Variants in PARD3B observed in about 807,000 individuals in gnomAD.
PARD3B encodes the protein par-3 family cell polarity regulator beta.
PARD3B carries 103 observed loss-of-function variants against 130.2 expected under a neutral mutation model. That is an observed-to-expected ratio of 0.79 (90% confidence interval 0.67 to 0.93). The LOEUF (loss-of-function observed/expected upper bound fraction) is 0.93. Among genes scored for constraint, PARD3B ranks in the 40% least tolerant of loss-of-function variants. The pLI is 0.00. For synonymous variants in PARD3B, 583 were observed against 553.2 expected, an observed-to-expected ratio of 1.05 and a Z score of -0.76; for missense variants, 1,609 against 1,499.2, an observed-to-expected ratio of 1.07 and a Z score of -1.21.
chr2:205,576,492 C>G (rs1401360490), intron 22 of PARD3B, among the ~76,000 whole-genome samples: 1 of 152,102 alleles, frequency 6.6e-6, no homozygotes, highest in Non-Finnish European at 1.5e-5. Flanking sequence ...AGGTCTGTGT[C>G]TAGATTCATT....
chr2:205,117,049 TA>T (rs1416046502), intron 6 of PARD3B, among the ~76,000 whole-genome samples: 1 of 152,062 alleles, frequency 6.6e-6, no homozygotes, highest in Non-Finnish European at 1.5e-5. Flanking sequence ...GAATGCTTGT[TA>T]AAAAAATATC....
intron 2 of PARD3B, among the ~76,000 whole-genome samples, chr2:204,872,931 A>T (rs1193006870): frequency 6.6e-6 from 1 of 152,174 alleles, no homozygotes; most frequent in African/African-American, 2.4e-5. Flanking sequence ...AGAGGAGTAA[A>T]CAGTATTTTA....
In PARD3B at chr2:205,021,723, C is replaced by T. The variant is rs1201054279; in HGVS notation, c.395-25858C>T. On this transcript the variant is annotated intron_variant, in intron 3 of 22. Transcript: ENST00000406610. The surrounding 1 kb of genome is among the most constrained non-coding windows in gnomAD (Gnocchi z 4.5). ...TTGGATAGAAATTTAAAATAAACTTCCATTTTAAATATGAGGAAACCAAGA... is the reference window on the plus strand; with the variant it reads ...TTGGATAGAAATTTAAAATAAACTTTCATTTTAAATATGAGGAAACCAAGA... Among the ~76,000 whole-genome samples the T allele has an allele frequency of 6.6e-6, 1 of 150,554 alleles. No individual in the cohort carries two copies. The highest frequency in any genetic ancestry group is 1.5e-5 in the Non-Finnish European group (1 of 67,772).
chr2:205,408,840 T>C (rs1268839104), intron 19 of PARD3B, among the ~76,000 whole-genome samples: 1 of 152,148 alleles, frequency 6.6e-6, no homozygotes, highest in African/African-American at 2.4e-5. Context: ...CTAGGTCCTG[T>C]GGTTTGGGTA....
intron 4 of PARD3B, among the ~76,000 whole-genome samples, chr2:205,084,567 A>G (rs1266949645): frequency 6.6e-6 from 1 of 152,016 alleles, no homozygotes; most frequent in African/African-American, 2.4e-5. Context: ...TAAACATTTA[A>G]TTTTTAAAAT....
At position 205,265,924 on chromosome 2, in the gene PARD3B, TG is replaced by T. The variant is rs1249093357; in HGVS notation, c.2185+20103del. ...CATCTGTGATATAAAACATAAATCT[TG>T]AGAGAAGGGCTTTTGATTTTTGTTA... On this transcript the variant is annotated intron_variant, in intron 16 of 22. Coordinates refer to ENST00000406610, the MANE Select transcript of PARD3B (RefSeq NM_001302769.2). The surrounding 1 kb of genome is among the most constrained non-coding windows in gnomAD (Gnocchi z 4.3). Among the ~76,000 whole-genome samples the T allele has an allele frequency of 3.3e-5, 5 of 152,036 alleles. No individual in the cohort carries two copies. The highest frequency in any genetic ancestry group is 1.2e-4 in the African/African-American group (5 of 41,426).
intron 1 of PARD3B, among the ~76,000 whole-genome samples, chr2:204,556,086 T>A (rs563157962): frequency 6.6e-6 from 1 of 152,312 alleles, no homozygotes; most frequent in Non-Finnish European, 1.5e-5. Context: ...GAGCACCAGG[T>A]CATAGTAGGG....
At chr2:205,369,634 C>A (rs754841202) in intron 18 of PARD3B, among the ~76,000 whole-genome samples, 3 of 152,170 alleles carry the variant, frequency 2.0e-5, no homozygotes, top group Non-Finnish European at 2.9e-5. Flanking sequence ...TTTCAAGACC[C>A]AGGTCAAGTC....
intron 15 of PARD3B, among the ~76,000 whole-genome samples, chr2:205,196,508 C>A (rs962168872): frequency 3.9e-5 from 6 of 151,952 alleles, no homozygotes; most frequent in Admixed American, 3.9e-4. Flanking sequence ...TGTGATATTT[C>A]TCATCATAAA....
intron 3 of PARD3B, among the ~76,000 whole-genome samples, chr2:204,992,938 G>A (rs1304494561): frequency 1.6e-5 from 2 of 128,180 alleles, no homozygotes; most frequent in Non-Finnish European, 3.3e-5. Flanking sequence ...TGTATCCTGA[G>A]ACTTTGCTGA....
chr2:205,018,923 T>G (rs1487703387), intron 3 of PARD3B, among the ~76,000 whole-genome samples: 1 of 152,134 alleles, frequency 6.6e-6, no homozygotes, highest in Non-Finnish European at 1.5e-5. Context: ...TGTAATAAAG[T>G]TGATTTATAC....
intron 15 of PARD3B, among the ~76,000 whole-genome samples, chr2:205,204,199 A>G (rs867884648): frequency 1.3e-5 from 2 of 152,196 alleles, no homozygotes; most frequent in African/African-American, 2.4e-5. Flanking sequence ...TTGTCTAATG[A>G]TCAGTGATGA....
chr2:205,368,843 A>G (rs1400078671), intron 18 of PARD3B, among the ~76,000 whole-genome samples: 1 of 130,996 alleles, frequency 7.6e-6, no homozygotes, highest in Non-Finnish European at 1.7e-5. Flanking sequence ...TTCTCAATTC[A>G]GGGGAGCTTG....
intron 2 of PARD3B, among the ~76,000 whole-genome samples, chr2:204,711,997 G>A (rs541315142): frequency 2.0e-5 from 3 of 152,150 alleles, no homozygotes. Flanking sequence ...CTAGTGTTTT[G>A]AAAATGTAGA....
chr2:205,281,754 GA>G lies in PARD3B; in HGVS notation c.2186-18773del, dbSNP rs759662262. On this transcript the variant is annotated intron_variant, in intron 16 of 22. Transcript: ENST00000406610. The surrounding 1 kb of genome is among the most constrained non-coding windows in gnomAD (Gnocchi z 4.2). Reference sequence around the variant, plus strand: ...TTTCATCTTCAAATAGCCCAGTGATGAAACTCCTGGGCAGGTTGTCTACATT... The same window carrying G: ...TTTCATCTTCAAATAGCCCAGTGATGAACTCCTGGGCAGGTTGTCTACATT... Among the ~76,000 whole-genome samples the G allele has an allele frequency of 2.3e-4, 35 of 152,272 alleles. No homozygotes were observed. Among genetic ancestry groups the G allele is most frequent in the African/African-American group, 8.4e-4 (35 of 41,564 alleles).
rs187022321 is a variant in PARD3B, at chr2:205,187,761, G to T, written c.2024+1898G>T. On this transcript the variant is annotated intron_variant, in intron 14 of 22. Coordinates refer to ENST00000406610, the MANE Select transcript of PARD3B (RefSeq NM_001302769.2). This position sits in a 1 kb window ranked among gnomAD's most constrained non-coding sequence, Gnocchi z 4.9. ...AATCTTCATTACATGGTATGAACTA[G>T]TAACTTCCATCTTCTTTTCACGTCT... is the stretch of plus-strand genomic sequence containing the variant. 6.6e-6 allele frequency among the ~76,000 whole-genome samples: 1 copy of T among 152,160 alleles called. No individual in the cohort carries two copies. The highest frequency in any genetic ancestry group is 1.5e-5 in the Non-Finnish European group (1 of 68,028).
At chr2:204,875,354 C>A (rs2045795874) in intron 2 of PARD3B, among the ~76,000 whole-genome samples, 1 of 152,198 alleles carries the variant, frequency 6.6e-6, no homozygotes, top group South Asian at 2.1e-4. Flanking sequence ...ACACCTTAAG[C>A]ATAGTGATGG....
At chr2:204,989,248 G>A (rs1206957020) in intron 3 of PARD3B, among the ~76,000 whole-genome samples, 1 of 152,046 alleles carries the variant, frequency 6.6e-6, no homozygotes, top group Admixed American at 6.5e-5. Flanking sequence ...TTCTAGGATT[G>A]CATGCTCAGG....
chr2:205,285,220 A>G (rs1295089545), intron 16 of PARD3B, among the ~76,000 whole-genome samples: 1 of 152,144 alleles, frequency 6.6e-6, no homozygotes, highest in East Asian at 1.9e-4. Flanking sequence ...GGGACTGTCA[A>G]GACAAGGCAA....
Sources: gnomAD v4.1 joint callset for allele counts (sites outside exome capture counted in the v4.1 genomes callset) on GRCh38, gnomAD v4.1.1 for gene constraint, Gnocchi (gnomAD v3.1) non-coding constraint, MANE v1.5 for transcripts, NCBI Gene and HGNC (gene_info 2026-07-23, HGNC 2026-07-21) for gene names.